The following GPR139 variants were observed in gnomAD, a reference collection of about 807,000 sequenced individuals.
The protein encoded by GPR139 is G protein-coupled receptor 139.
GPR139 carries 12 observed loss-of-function variants against 25.8 expected under a neutral mutation model. The ratio of observed to expected loss-of-function variants is 0.47; its 90% confidence interval spans 0.30 to 0.75. The LOEUF (loss-of-function observed/expected upper bound fraction) is 0.75. Ranked by LOEUF, GPR139 falls within the 30% of genes least tolerant of loss-of-function variation. The pLI, the probability that GPR139 is intolerant of heterozygous loss-of-function variation, is 0.07. For missense variants in GPR139, 380 were observed against 450.2 expected (o/e 0.84, Z 1.41); for synonymous variants, 184 against 179.9 (o/e 1.02, Z -0.18).
At chr16:20,058,912 G>A (rs2057400890) in intron 1 of GPR139, among the ~76,000 whole-genome samples, 2 of 152,214 alleles carry the variant, frequency 1.3e-5, no homozygotes, top group African/African-American at 4.8e-5. Context: ...CTGTGCCGCG[G>A]GCGCTTCCCA....
Position 20,073,478 on chromosome 16 carries a change from C to CA in GPR139, c.127+11dup, listed in dbSNP as rs1567242291. ...GTTCCTGGCTTCCCTCCCTCTCCCC[C>CA]ACGCCCCTCACCTGGTAAACCGAGG... On this transcript the variant is annotated intron_variant, in intron 1 of 1. Transcript: ENST00000570682. The surrounding 1 kb of genome is among the most constrained non-coding windows in gnomAD (Gnocchi z 4.7). 1 of 1,610,272 alleles carries CA rather than the reference C, an allele frequency of 6.2e-7. No individual in the cohort carries two copies. The highest frequency in any genetic ancestry group is 1.1e-5 in the South Asian group (1 of 90,028).
At chr16:20,052,148 A>G (rs915662643) in intron 1 of GPR139, among the ~76,000 whole-genome samples, 3 of 152,170 alleles carry the variant, frequency 2.0e-5, no homozygotes, top group Non-Finnish European at 4.4e-5. Flanking sequence ...TTGCCTACGC[A>G]GTTCTCTCCT....
At chr16:20,051,072 AAAAG>A (rs1555466275) in intron 1 of GPR139, among the ~76,000 whole-genome samples, 15 of 145,652 alleles carry the variant, frequency 1.0e-4, no homozygotes, top group African/African-American at 2.5e-4. Context: ...CAAAAAAAAA[AAAAG>A]AAAGAAAGAA....
chr16:20,038,349 G>GTT (rs1009994174), intron 1 of GPR139, among the ~76,000 whole-genome samples: 6 of 121,296 alleles, frequency 4.9e-5, no homozygotes, highest in African/African-American at 1.7e-4. Context: ...GTGTGTGTGT[G>GTT]TGTGTGTGTG....
At chr16:20,057,685 G>A (rs1303313017) in intron 1 of GPR139, among the ~76,000 whole-genome samples, 3 of 151,734 alleles carry the variant, frequency 2.0e-5, no homozygotes, top group Non-Finnish European at 4.4e-5. Flanking sequence ...CCCACCAGAG[G>A]ACCCTGGAGT....
Position 20,029,749 on chromosome 16 carries a change from T to A in GPR139, c.*1986A>T, listed in dbSNP as rs2057280639. 6.6e-6 allele frequency among the ~76,000 whole-genome samples: 1 copy of A among 152,090 alleles called. No individual in the cohort carries two copies. The highest frequency in any genetic ancestry group is 6.6e-5 in the Admixed American group (1 of 15,258). Reference sequence around the variant, plus strand: ...GACGACTTCCATGAACTTCTTTGAGTGGAAGCATCTTGATGCACCAGGGTG... The same window carrying A: ...GACGACTTCCATGAACTTCTTTGAGAGGAAGCATCTTGATGCACCAGGGTG... On this transcript the variant is annotated 3_prime_UTR_variant, in exon 2 of 2. Transcript: ENST00000570682.
chr16:20,037,231 C>T (rs757960439), intron 1 of GPR139, among the ~76,000 whole-genome samples: 9 of 152,070 alleles, frequency 5.9e-5, no homozygotes, highest in African/African-American at 1.4e-4. Flanking sequence ...GGTGGTGGAT[C>T]GCTTGAGGTC....
At chr16:20,055,296 T>G (rs545508768) in intron 1 of GPR139, among the ~76,000 whole-genome samples, 2 of 152,316 alleles carry the variant, frequency 1.3e-5, no homozygotes, top group South Asian at 2.1e-4. Flanking sequence ...TTTAGCAAAC[T>G]AACACAGGAA....
At chr16:20,047,396 G>C (rs1367738782) in intron 1 of GPR139, among the ~76,000 whole-genome samples, 1 of 152,184 alleles carries the variant, frequency 6.6e-6, no homozygotes, top group Non-Finnish European at 1.5e-5. Flanking sequence ...GTGAGCCACT[G>C]TGCCCAGCCC....
Position 20,044,965 on chromosome 16 carries a change from G to C in GPR139, c.128-12296C>G, listed in dbSNP as rs551746084. ...CTTTATTGAGCACTGACTGTATTTG[G>C]CTCACTTGCCAGAGGTTTCACTTGC... On this transcript the variant is annotated intron_variant, in intron 1 of 1. Coordinates refer to ENST00000570682, the MANE Select transcript of GPR139 (RefSeq NM_001002911.4). Among the ~76,000 whole-genome samples, 6 of 150,074 alleles carry C rather than the reference G, an allele frequency of 4.0e-5. No homozygotes were observed. In the East Asian group the frequency reaches 1.2e-3, roughly 29 times the overall value.
intron 1 of GPR139, among the ~76,000 whole-genome samples, chr16:20,035,446 G>A (rs2057306701): frequency 6.6e-6 from 1 of 152,150 alleles, no homozygotes; most frequent in South Asian, 2.1e-4. Context: ...TTGTAAACTT[G>A]GTATTTCAAA....
intron 1 of GPR139, among the ~76,000 whole-genome samples, chr16:20,052,530 G>C (rs1430524633): frequency 1.3e-5 from 2 of 152,294 alleles, no homozygotes; most frequent in East Asian, 3.9e-4. Context: ...GGGCGCGGTG[G>C]CTCACGCCTG....
chr16:20,045,494 A>G (rs1041521448), intron 1 of GPR139, among the ~76,000 whole-genome samples: 5 of 152,214 alleles, frequency 3.3e-5, no homozygotes, highest in Admixed American at 2.0e-4. Context: ...ACTTGTCCAG[A>G]TACCTCCATA....
chr16:20,040,998 C>T (rs2057327852), intron 1 of GPR139, among the ~76,000 whole-genome samples: 1 of 151,330 alleles, frequency 6.6e-6, no homozygotes, highest in South Asian at 2.1e-4. Flanking sequence ...TCACAATCCC[C>T]TGTGACTTAA....
intron 1 of GPR139, among the ~76,000 whole-genome samples, chr16:20,071,288 T>A (rs1395775529): frequency 6.6e-6 from 1 of 152,248 alleles, no homozygotes; most frequent in Non-Finnish European, 1.5e-5. Context: ...AGAGAATGAC[T>A]TAAAGAATTC....
chr16:20,033,263 G>A (rs545232220), intron 1 of GPR139, among the ~76,000 whole-genome samples: 1 of 150,324 alleles, frequency 6.7e-6, no homozygotes, highest in East Asian at 2.0e-4. Flanking sequence ...TCACACAACC[G>A]TGAGAGGCGA....
intron 1 of GPR139, among the ~76,000 whole-genome samples, chr16:20,072,072 G>A (rs2057461527): frequency 6.6e-6 from 1 of 152,192 alleles, no homozygotes; most frequent in Admixed American, 6.5e-5. Flanking sequence ...GCTGAAGGGG[G>A]GAGGTGGAAC....
intron 1 of GPR139, among the ~76,000 whole-genome samples, chr16:20,044,989 G>T (rs2057349241): frequency 2.3e-5 from 3 of 132,498 alleles, no homozygotes; most frequent in African/African-American, 5.6e-5. Context: ...GGTTTCACTT[G>T]CACTATTTTT....
intron 1 of GPR139, among the ~76,000 whole-genome samples, chr16:20,068,176 A>G (rs184969647): frequency 1.7e-4 from 25 of 147,996 alleles, no homozygotes; most frequent in African/African-American, 6.3e-4. Context: ...AGACTTTCCA[A>G]TGTGTGCCTG....
Sources: allele counts gnomAD v4.1 joint callset (sites outside exome capture counted in the v4.1 genomes callset), GRCh38; gene constraint gnomAD v4.1.1; non-coding constraint Gnocchi (gnomAD v3.1); transcripts MANE v1.5; gene names NCBI Gene and HGNC (gene_info 2026-07-23, HGNC 2026-07-21).